The following UBE2L6 variants were observed in gnomAD, a reference collection of about 807,000 sequenced individuals.
UBE2L6 encodes ubiquitin/ISG15-conjugating enzyme E2 L6.
A neutral mutation model predicts 13.6 loss-of-function variants in UBE2L6; 11 were observed. That is an observed-to-expected ratio of 0.81 (90% confidence interval 0.51 to 1.34). UBE2L6 has a LOEUF of 1.34. Ranked by LOEUF, UBE2L6 falls within the 40% of genes most tolerant of loss-of-function variation. UBE2L6 has a pLI of 0.00. For synonymous variants in UBE2L6, 74 were observed against 83.2 expected, an observed-to-expected ratio of 0.89 and a Z score of 0.60; for missense variants, 197 against 199.5, an observed-to-expected ratio of 0.99 and a Z score of 0.07.
intron 2 of UBE2L6, among the ~76,000 whole-genome samples, chr11:57,558,670 CG>C (rs1945015602): frequency 1.3e-5 from 2 of 152,214 alleles, no homozygotes; most frequent in Non-Finnish European, 2.9e-5. Flanking sequence ...AAAGACTCAT[CG>C]AGCTGAATCC....
At chr11:57,566,958 CCT>C (rs1483918522) in intron 1 of UBE2L6, 18 of 194,864 alleles carry the variant, frequency 9.2e-5, no homozygotes, top group Middle Eastern at 6.2e-4. Flanking sequence ...CCCCCCCCCC[CCT>C]CCTAGAACAG....
intron 1 of UBE2L6, among the ~76,000 whole-genome samples, chr11:57,562,428 C>G (rs1177887288): frequency 6.6e-6 from 1 of 152,236 alleles, no homozygotes. Context: ...AGAACACAAG[C>G]CTGGCTGGCT....
At chr11:57,558,137 G>A (rs1354892100) in intron 2 of UBE2L6, among the ~76,000 whole-genome samples, 1 of 152,130 alleles carries the variant, frequency 6.6e-6, no homozygotes, top group East Asian at 1.9e-4. Flanking sequence ...GGAGTGCGAT[G>A]GCCCAATCTC....
At chr11:57,553,000 T>A (rs1297923090) in intron 3 of UBE2L6, among the ~76,000 whole-genome samples, 1 of 152,008 alleles carries the variant, frequency 6.6e-6, no homozygotes, top group Non-Finnish European at 1.5e-5. Flanking sequence ...AACAGACAGT[T>A]CCCAGACCCC....
At chr11:57,564,676 G>A (rs1945072659) in intron 1 of UBE2L6, among the ~76,000 whole-genome samples, 1 of 151,994 alleles carries the variant, frequency 6.6e-6, no homozygotes, top group South Asian at 2.1e-4. Context: ...GGTGGCGGGT[G>A]CCTGTAACCC....
At chr11:57,554,823 G>A (rs1345129135) in intron 2 of UBE2L6, among the ~76,000 whole-genome samples, 200 bp from the exon 3 acceptor site, 1 of 152,246 alleles carries the variant, frequency 6.6e-6, no homozygotes, top group Non-Finnish European at 1.5e-5. Flanking sequence ...CTGGGAGGCA[G>A]AGAAGTCTGA....
At chr11:57,567,883 C>A (rs1590812937), upstream of UBE2L6, 1 of 407,618 alleles carries the variant, frequency 2.5e-6, no homozygotes, top group Non-Finnish European at 4.3e-6. Context: ...GGCCTCGGGG[C>A]GCACGGCTTT....
intron 3 of UBE2L6, 87 bp from the exon 4 acceptor site, chr11:57,552,596 T>C (rs2135271888): frequency 6.6e-7 from 1 of 1,518,538 alleles, no homozygotes; most frequent in Non-Finnish European, 9.1e-7. Flanking sequence ...CACTCCACAC[T>C]CACTCCTTGG....
intron 3 of UBE2L6, 101 bp downstream of exon 3, chr11:57,554,336 C>G (rs774801703): frequency 4.3e-6 from 6 of 1,410,646 alleles, no homozygotes; most frequent in Non-Finnish European, 5.8e-6. Flanking sequence ...ATTTTTATCT[C>G]CTCTCTTTGG....
At chr11:57,558,100 C>CA (rs1467578314) in intron 2 of UBE2L6, among the ~76,000 whole-genome samples, 1 of 152,086 alleles carries the variant, frequency 6.6e-6, no homozygotes, top group Non-Finnish European at 1.5e-5. Flanking sequence ...TTTTTTGAGA[C>CA]AGAGTTTTGC....
intron 1 of UBE2L6, among the ~76,000 whole-genome samples, chr11:57,561,269 C>A (rs1945044603): frequency 6.6e-6 from 1 of 152,156 alleles, no homozygotes; most frequent in South Asian, 2.1e-4. Context: ...GAACTCTACA[C>A]ACCAAGTGGG....
chr11:57,563,458 G>A (rs1371792565), intron 1 of UBE2L6, among the ~76,000 whole-genome samples: 1 of 146,430 alleles, frequency 6.8e-6, no homozygotes, highest in Non-Finnish European at 1.5e-5. Flanking sequence ...TCCAGCCTGG[G>A]CAACAAGAGT....
Position 57,557,953 on chromosome 11 carries a change from G to C in UBE2L6, c.123+2384C>G, listed in dbSNP as rs562517280. 3.3e-5 allele frequency among the ~76,000 whole-genome samples: 5 copies of C among 152,336 alleles called. No individual in the cohort carries two copies. In the South Asian group the frequency reaches 1.0e-3, roughly 32 times the overall value. Reference sequence around the variant, plus strand: ...GCTGTATGACTGAGCTTTCTCTGAGGATCAGTTTCCTCGTCTGTAAAATGG... The same window carrying C: ...GCTGTATGACTGAGCTTTCTCTGAGCATCAGTTTCCTCGTCTGTAAAATGG... On this transcript the variant is annotated intron_variant, in intron 2 of 3. Transcript: ENST00000287156.
At chr11:57,560,163 A>G (rs1001024247) in intron 2 of UBE2L6, among the ~76,000 whole-genome samples, 174 bp downstream of exon 2, 1 of 152,194 alleles carries the variant, frequency 6.6e-6, no homozygotes, top group African/African-American at 2.4e-5. Context: ...TGAACCTCAG[A>G]AGTATCTGGA....
intron 2 of UBE2L6, among the ~76,000 whole-genome samples, chr11:57,557,190 G>A (rs139084640): frequency 3.3e-4 from 50 of 152,208 alleles, no homozygotes; most frequent in African/African-American, 1.2e-3. Flanking sequence ...GAATGGCTCC[G>A]TGCCAACCTC....
At position 57,552,411 on chromosome 11, in the gene UBE2L6, T is replaced by G; in HGVS notation, c.409A>C (p.Arg137=). 3 of 1,614,220 alleles carry G rather than the reference T, an allele frequency of 1.9e-6. No individual in the cohort carries two copies. The highest frequency in any genetic ancestry group is 2.5e-6 in the Non-Finnish European group (3 of 1,180,044). The change falls in exon 4 of 4, where the codon AGA becomes CGA. Residue 137 remains arginine (R), a synonymous_variant. Coordinates refer to ENST00000287156, the MANE Select transcript of UBE2L6 (RefSeq NM_004223.5). ...AGGGTGAACTCTTCGGCATTCTTTCTGAACAGCTCCGGATTCTGTGTCAGC... is the reference window on the plus strand; with the variant it reads ...AGGGTGAACTCTTCGGCATTCTTTCGGAACAGCTCCGGATTCTGTGTCAGC... ...DLLTQNPELF[R]KNAEEFTLRF... is the part of the protein sequence containing the mutation.
intron 2 of UBE2L6, among the ~76,000 whole-genome samples, chr11:57,558,664 A>G (rs903960307): frequency 4.6e-5 from 7 of 152,158 alleles, no homozygotes; most frequent in Non-Finnish European, 8.8e-5. Flanking sequence ...GCTTCGAAAG[A>G]CTCATCGAGC....
intron 1 of UBE2L6, among the ~76,000 whole-genome samples, chr11:57,565,252 A>G (rs1297141248): frequency 6.6e-6 from 1 of 152,014 alleles, no homozygotes; most frequent in Admixed American, 6.6e-5. Flanking sequence ...TAAGGAAGGA[A>G]GGAAGGAAAG....
intron 2 of UBE2L6, among the ~76,000 whole-genome samples, chr11:57,556,764 T>C (rs1026665642): frequency 2.0e-5 from 3 of 151,946 alleles, no homozygotes; most frequent in African/African-American, 7.3e-5. Flanking sequence ...GTTGGATGTT[T>C]TGTCTCCTCA....
Sources: allele counts gnomAD v4.1 joint callset (sites outside exome capture counted in the v4.1 genomes callset), GRCh38; gene constraint gnomAD v4.1.1; transcripts MANE v1.5; gene names NCBI Gene and HGNC (gene_info 2026-07-23, HGNC 2026-07-21).